OCA2: variants seen among roughly 807,000 people sequenced by gnomAD.
OCA2 encodes the protein P protein.
Under a neutral mutation model 100.2 loss-of-function variants are expected in OCA2, and 77 were observed. The ratio of observed to expected loss-of-function variants is 0.77; its 90% CI spans 0.64 to 0.93. The LOEUF (loss-of-function observed/expected upper bound fraction) is 0.93. Ranked by LOEUF, OCA2 falls within the 40% of genes least tolerant of loss-of-function variation. The pLI is 0.00. For synonymous variants in OCA2, 432 were observed against 439.2 expected (o/e 0.98, Z 0.21); for missense variants, 1,062 against 1,089.1 (o/e 0.98, Z 0.35).
At chr15:27,844,889 T>A in intron 23 of OCA2, 70 bp downstream of exon 23, 3 of 1,128,188 alleles carry the variant, frequency 2.7e-6, no homozygotes, top group Non-Finnish European at 4.0e-6. Context: ...TTTAATGTGT[T>A]ATTTTTTTAA....
At chr15:27,981,600 C>T (rs2041162588) in intron 14 of OCA2, among the ~76,000 whole-genome samples, 1 of 152,162 alleles carries the variant, frequency 6.6e-6, no homozygotes, top group Non-Finnish European at 1.5e-5. Flanking sequence ...AGTACTCTAC[C>T]CAGTGCTCCA....
At chr15:28,021,873 G>A (rs1306276550) in intron 6 of OCA2, among the ~76,000 whole-genome samples, 1 of 152,174 alleles carries the variant, frequency 6.6e-6, no homozygotes, top group African/African-American at 2.4e-5. Flanking sequence ...GCAGACAGCT[G>A]GCAGGGCGCC....
At chr15:27,952,304 G>A (rs772888226) in intron 17 of OCA2, among the ~76,000 whole-genome samples, 3 of 152,162 alleles carry the variant, frequency 2.0e-5, no homozygotes, top group Non-Finnish European at 4.4e-5. Flanking sequence ...TTCTTTACAC[G>A]ACATGCATGA....
chr15:27,832,547 C>T (rs899486353), intron 23 of OCA2, among the ~76,000 whole-genome samples: 59 of 152,288 alleles, frequency 3.9e-4, no homozygotes, highest in African/African-American at 1.4e-3. Context: ...TCACACAGCT[C>T]ACCTGCTCAG....
chr15:27,770,486 C>A (rs909867995), intron 23 of OCA2, among the ~76,000 whole-genome samples: 5 of 150,780 alleles, frequency 3.3e-5, no homozygotes, highest in African/African-American at 9.8e-5. Flanking sequence ...GAGAAGCGAC[C>A]ACCTCCCGGC....
At chr15:27,765,770 G>C (rs1216808793) in intron 23 of OCA2, among the ~76,000 whole-genome samples, 1 of 152,308 alleles carries the variant, frequency 6.6e-6, no homozygotes, top group South Asian at 2.1e-4. Flanking sequence ...CCGACCCTCG[G>C]TTTGGTCCGG....
At chr15:28,086,434 T>C (rs951886849) in intron 1 of OCA2, among the ~76,000 whole-genome samples, 1 of 152,156 alleles carries the variant, frequency 6.6e-6, no homozygotes, top group Non-Finnish European at 1.5e-5. Flanking sequence ...GAACCTGAAC[T>C]TCTAACCCTA....
intron 23 of OCA2, among the ~76,000 whole-genome samples, chr15:27,800,069 ATAT>A (rs2033530286): frequency 6.6e-6 from 1 of 152,262 alleles, no homozygotes; most frequent in Admixed American, 6.5e-5. Context: ...CAATGCCCAA[ATAT>A]TTGGAAAGTA....
At chr15:27,943,070 C>T (rs1419665588) in intron 18 of OCA2, among the ~76,000 whole-genome samples, 1 of 152,112 alleles carries the variant, frequency 6.6e-6, no homozygotes, top group African/African-American at 2.4e-5. Flanking sequence ...AGTAAGAGCT[C>T]CTCATTTCTT....
intron 10 of OCA2, among the ~76,000 whole-genome samples, chr15:27,989,908 C>A (rs2041493253): frequency 6.6e-6 from 1 of 152,214 alleles, no homozygotes; most frequent in Admixed American, 6.5e-5. Flanking sequence ...CTGCCTCTGG[C>A]AGCTCCCACA....
At chr15:28,007,662 G>A (rs1026195619) in intron 9 of OCA2, among the ~76,000 whole-genome samples, 2 of 151,990 alleles carry the variant, frequency 1.3e-5, no homozygotes, top group African/African-American at 2.4e-5. Context: ...CCCGGGAGGT[G>A]GAGGTTGCAG....
chr15:28,046,662 T>C (rs936305758), intron 2 of OCA2, among the ~76,000 whole-genome samples: 10 of 152,132 alleles, frequency 6.6e-5, no homozygotes, highest in African/African-American at 2.4e-4. Flanking sequence ...CAACCAACCA[T>C]GCACTGACAA....
chr15:27,851,345 G>T (rs202034332), intron 22 of OCA2, 37 bp downstream of exon 22: 2 of 1,541,958 alleles, frequency 1.3e-6, no homozygotes, highest in East Asian at 2.3e-5. Flanking sequence ...CAGTGTGGGC[G>T]TGCACCCCCA....
intron 5 of OCA2, among the ~76,000 whole-genome samples, chr15:28,024,626 C>T (rs1344464493): frequency 3.3e-5 from 5 of 152,192 alleles, no homozygotes; most frequent in Admixed American, 1.3e-4. Flanking sequence ...CGGCTTCTGC[C>T]GTGTGACTGG....
At chr15:27,858,595 T>G (rs1005263919) in intron 21 of OCA2, among the ~76,000 whole-genome samples, 26 of 151,934 alleles carry the variant, frequency 1.7e-4, no homozygotes, top group African/African-American at 6.3e-4. Context: ...TAAAAACAGG[T>G]TACAAAAGAC....
the OCA2 span, among the ~76,000 whole-genome samples, chr15:27,740,688 A>G: frequency 8.5e-5 from 13 of 152,128 alleles, no homozygotes; most frequent in African/African-American, 2.4e-4. Flanking sequence ...ATTGATCCTG[A>G]TGACTGGAAT....
At chr15:28,086,194 C>T (rs1225019549) in intron 1 of OCA2, among the ~76,000 whole-genome samples, 3 of 152,246 alleles carry the variant, frequency 2.0e-5, no homozygotes, top group Admixed American at 6.5e-5. Flanking sequence ...AAAGGGACCC[C>T]TCTCCTTCCT....
intron 2 of OCA2, among the ~76,000 whole-genome samples, chr15:28,039,279 A>G (rs1319440608): frequency 6.6e-6 from 1 of 152,252 alleles, no homozygotes; most frequent in Admixed American, 6.5e-5. Flanking sequence ...GAAGACTTGA[A>G]CAACATTATA....
intron 9 of OCA2, among the ~76,000 whole-genome samples, chr15:27,993,127 C>CA: frequency 6.6e-6 from 1 of 151,766 alleles, no homozygotes; most frequent in Non-Finnish European, 1.5e-5. Flanking sequence ...CCGTCTCAAA[C>CA]AAAAAACAAA....
Sources: allele counts gnomAD v4.1 joint callset (sites outside exome capture counted in the v4.1 genomes callset), GRCh38; gene constraint gnomAD v4.1.1; transcripts MANE v1.5; gene names NCBI Gene and HGNC (gene_info 2026-07-23, HGNC 2026-07-21).